Variants in MYO18B observed in about 807,000 individuals in gnomAD.
The protein encoded by MYO18B is myosin XVIIIB.
Under a neutral mutation model 273.0 loss-of-function variants are expected in MYO18B, and 204 were observed. The ratio of observed to expected loss-of-function variants is 0.75; its 90% CI spans 0.67 to 0.84. MYO18B has a LOEUF of 0.84. Among genes scored for constraint, MYO18B ranks in the 40% least tolerant of loss-of-function variants. MYO18B has a pLI of 0.00. For synonymous variants in MYO18B, 1,330 were observed against 1,305.7 expected, an observed-to-expected ratio of 1.02 and a Z score of -0.40; for missense variants, 3,212 against 3,287.6, an observed-to-expected ratio of 0.98 and a Z score of 0.56.
Position 25,769,432 on chromosome 22 carries a change from AG to A in MYO18B, c.1512+9del, listed in dbSNP as rs566554361. 8.0e-4 allele frequency: 1,215 copies of A among 1,520,768 alleles called. 8 individuals carry two copies. The highest frequency in any genetic ancestry group is 6.8e-4 in the East Asian group (28 of 41,010). 94.2% of individuals were successfully genotyped at this position (1,520,768 alleles called of 1,614,324 possible). A position where few individuals can be genotyped will look rare whatever the true frequency, so the allele number is the denominator to read the frequency against. Reference sequence around the variant, plus strand: ...CCAGAGCAGAGACTCAGACCAGGTGAGGGGGCTGCGGCCCTGGGAGCGGGAA... The same window carrying A: ...CCAGAGCAGAGACTCAGACCAGGTGAGGGGCTGCGGCCCTGGGAGCGGGAA... On this transcript the variant is annotated splice_donor_5th_base_variant and intron_variant, in intron 4 of 43. Transcript: ENST00000335473.
intron 12 of MYO18B, among the ~76,000 whole-genome samples, chr22:25,802,770 A>C (rs1298128387): frequency 6.7e-6 from 1 of 149,372 alleles, no homozygotes; most frequent in African/African-American, 2.5e-5. Flanking sequence ...AAAAAAAAAA[A>C]AAAAAACCCC....
Position 25,768,668 on chromosome 22 carries a change from C to A in MYO18B, c.752C>A (p.Thr251Lys). 1 of 1,541,620 alleles carries A rather than the reference C, an allele frequency of 6.5e-7. No individual in the cohort carries two copies. The highest frequency in any genetic ancestry group is 1.3e-5 in the South Asian group (1 of 76,892). The part of the protein sequence containing the change: ...VGKGLGTPKT[T>K]ELKEAEPQGK... ...AAGGGGCTTGGGACCCCCAAGACCA[C>A]AGAGCTGAAAGAGGCTGAGCCCCAG... The change falls in exon 4 of 44, where the codon ACA becomes AAA. Residue 251 changes from threonine (T) to lysine (K), a missense_variant. Transcript: ENST00000335473.
At chr22:26,020,177 G>A (rs904538850) in intron 42 of MYO18B, among the ~76,000 whole-genome samples, 2 of 152,134 alleles carry the variant, frequency 1.3e-5, no homozygotes, top group African/African-American at 2.4e-5. Context: ...TGATTTTGAT[G>A]CGGTGATGCT....
Position 25,797,972 on chromosome 22 carries a change from C to G in MYO18B, c.2396C>G (p.Ala799Gly). 1 of 1,614,018 alleles carries G rather than the reference C, an allele frequency of 6.2e-7. No homozygotes were observed. Residue 799 changes from alanine (A) to glycine (G), a missense_variant, in exon 12 of 44, where the codon GCG (alanine) becomes GGG (glycine). Transcript: ENST00000335473. ...CCGCAGCCTGAAGATAAACAGAAGG[C>G]GGCAGCTGCCTTTGCCCAGCTCCAG... ...VWSKPEDKQK[A>G]AAAFAQLQGA...
At chr22:25,856,058 G>A (rs1024979864) in intron 21 of MYO18B, among the ~76,000 whole-genome samples, 2 of 152,192 alleles carry the variant, frequency 1.3e-5, no homozygotes, top group East Asian at 3.9e-4. Context: ...ATACCCAGAA[G>A]TGGAATAGCT....
At chr22:26,061,024 C>CAT in the MYO18B span, among the ~76,000 whole-genome samples, 8 of 152,144 alleles carry the variant, frequency 5.3e-5, no homozygotes, top group African/African-American at 9.6e-5. Flanking sequence ...CACACACACA[C>CAT]ACAATTCAGT....
In MYO18B at chr22:25,772,480, C is replaced by T. The variant is rs2086757793; in HGVS notation, c.1839C>T (p.Pro613=). The T allele has an allele frequency of 6.2e-7, 1 of 1,613,944 alleles. No homozygotes were observed. Among genetic ancestry groups the T allele is most frequent in the Non-Finnish European group, 8.5e-7 (1 of 1,179,904 alleles). Residue 613 remains proline (P), a synonymous_variant, in exon 7 of 44, where the codon CCC becomes CCT. Coordinates refer to ENST00000335473, the MANE Select transcript of MYO18B (RefSeq NM_032608.7). ...GGCCTGATCTGATTGTCCTCCAGCC[C>T]CGGGGGCCCTCGGTGCCTTCTGCAG... ...CTGPDLIVLQ[P]RGPSVPSAGK...
At chr22:26,017,967 G>GTTTT (rs869143722) in intron 42 of MYO18B, among the ~76,000 whole-genome samples, 13 of 9,750 alleles carry the variant, frequency 1.3e-3, no homozygotes, top group South Asian at 0.011. Context: ...TTACTGTTTT[G>GTTTT]TTTTTTTTTT....
chr22:26,037,006 A>G, the MYO18B span, among the ~76,000 whole-genome samples: 2 of 152,276 alleles, frequency 1.3e-5, no homozygotes, highest in South Asian at 4.1e-4. Context: ...CTCTATCTCC[A>G]AATACAGGCA....
intron 39 of MYO18B, among the ~76,000 whole-genome samples, chr22:25,974,667 C>T (rs1038449329): frequency 3.3e-5 from 5 of 152,178 alleles, no homozygotes; most frequent in African/African-American, 9.7e-5. Flanking sequence ...TTTACGAAAA[C>T]AGGCAGGAGG....
At chr22:25,997,964 C>A (rs1384426044) in intron 40 of MYO18B, among the ~76,000 whole-genome samples, 2 of 136,108 alleles carry the variant, frequency 1.5e-5, no homozygotes, top group African/African-American at 5.7e-5. Context: ...CACAAACACA[C>A]ACACACACAC....
At chr22:25,934,070 T>A (rs2092546258) in intron 34 of MYO18B, among the ~76,000 whole-genome samples, 1 of 152,232 alleles carries the variant, frequency 6.6e-6, no homozygotes, top group Admixed American at 6.5e-5. Flanking sequence ...ATTTTGCACT[T>A]CTCTGATGTT....
chr22:25,767,974 G>A (rs1221762522), intron 3 of MYO18B, 141 bp from the exon 4 acceptor site: 2 of 814,250 alleles, frequency 2.5e-6, no homozygotes, highest in Non-Finnish European at 3.9e-6. Context: ...GGCCATGCCT[G>A]TTGGATTTGG....
chr22:25,971,204 T>C (rs1003084927), intron 39 of MYO18B, among the ~76,000 whole-genome samples: 2 of 152,248 alleles, frequency 1.3e-5, no homozygotes, highest in Non-Finnish European at 2.9e-5. Flanking sequence ...GAAAAACAGA[T>C]GGTGGACTGG....
At chr22:25,764,714 G>A (rs568814255) in intron 3 of MYO18B, among the ~76,000 whole-genome samples, 2 of 152,358 alleles carry the variant, frequency 1.3e-5, no homozygotes, top group South Asian at 2.1e-4. Flanking sequence ...TAAGGCATAA[G>A]TGGGGGCCAA....
chr22:25,806,781 A>G (rs1328882261), intron 12 of MYO18B, among the ~76,000 whole-genome samples: 6 of 152,202 alleles, frequency 3.9e-5, no homozygotes, highest in Admixed American at 3.3e-4. Context: ...CTTGGTAAAG[A>G]GAGAGTAGGG....
rs2072013 is a variant in MYO18B at position 25,874,665 on chromosome 22, A to G, written c.4080+251A>G. On this transcript the variant is annotated intron_variant, in intron 23 of 43. Transcript: ENST00000335473. ...CCTCCTGGGCTGATTCATGACTTCA[A>G]CCTGTCTTGTTTCTGGAGAAATTCA... Among the ~76,000 whole-genome samples, 6,719 of 152,208 alleles carry G rather than the reference A, an allele frequency of 0.044. 232 individuals are homozygous for G. Among genetic ancestry groups the G allele is most frequent in the East Asian group, 0.17 (885 of 5,160 alleles).
At chr22:25,946,922 T>C (rs975757589) in intron 35 of MYO18B, among the ~76,000 whole-genome samples, 8 of 152,216 alleles carry the variant, frequency 5.3e-5, no homozygotes, top group Non-Finnish European at 1.2e-4. Flanking sequence ...ATATTGTCGA[T>C]GTATTATTTT....
chr22:25,797,979 T>C lies in MYO18B; in HGVS notation c.2403T>C (p.Ala801=), dbSNP rs1031099438. The C allele has an allele frequency of 6.2e-7, 1 of 1,614,012 alleles. No homozygotes were observed. Among genetic ancestry groups the C allele is most frequent in the South Asian group, 1.1e-5 (1 of 91,088 alleles). Residue 801 remains alanine (A), a synonymous_variant, in exon 12 of 44, where the codon GCT becomes GCC. Coordinates refer to ENST00000335473, the MANE Select transcript of MYO18B (RefSeq NM_032608.7). ...SKPEDKQKAA[A]AFAQLQGAME... ...CTGAAGATAAACAGAAGGCGGCAGC[T>C]GCCTTTGCCCAGCTCCAGGGTGCCA...
Sources: gnomAD v4.1 joint callset for allele counts (sites outside exome capture counted in the v4.1 genomes callset) on GRCh38, gnomAD v4.1.1 for gene constraint, MANE v1.5 for transcripts, NCBI Gene and HGNC (gene_info 2026-07-23, HGNC 2026-07-21) for gene names.